The following DLC1 variants were observed in gnomAD, a reference collection of about 807,000 sequenced individuals.
DLC1 encodes the protein rho GTPase-activating protein 7.
DLC1 carries 54 observed loss-of-function variants against 140.3 expected under a neutral mutation model. The ratio of observed to expected loss-of-function variants is 0.38; its 90% CI spans 0.31 to 0.48. The LOEUF (loss-of-function observed/expected upper bound fraction) is 0.48. DLC1 is among the 20% of genes least tolerant of loss of function. DLC1 has a pLI of 0.96. For missense variants in DLC1, 2,536 were observed against 1,907.0 expected (o/e 1.33, Z -6.14); for synonymous variants, 986 against 728.1 (o/e 1.35, Z -5.70).
At chr8:13,301,886 A>T (rs1832209710) in intron 5 of DLC1, among the ~76,000 whole-genome samples, 1 of 152,158 alleles carries the variant, frequency 6.6e-6, no homozygotes, top group African/African-American at 2.4e-5. Context: ...TCTGAGGTGG[A>T]ACAATTTCAT....
intron 1 of DLC1, among the ~76,000 whole-genome samples, chr8:13,551,293 AGTAT>A (rs2117356213): frequency 6.6e-6 from 1 of 152,230 alleles, no homozygotes; most frequent in South Asian, 2.1e-4. Context: ...CACAGTCTTC[AGTAT>A]GTGCACACAT....
chr8:13,441,659 G>A (rs1798514747), intron 2 of DLC1, among the ~76,000 whole-genome samples: 1 of 152,094 alleles, frequency 6.6e-6, no homozygotes, highest in South Asian at 2.1e-4. Flanking sequence ...CAAGGGACGT[G>A]AAGGACCTCT....
At chr8:13,254,143 C>A (rs1259324124) in intron 5 of DLC1, among the ~76,000 whole-genome samples, 1 of 151,660 alleles carries the variant, frequency 6.6e-6, no homozygotes, top group Admixed American at 6.6e-5. Flanking sequence ...AATCCTTCTC[C>A]CTCCTTTCCC....
intron 5 of DLC1, among the ~76,000 whole-genome samples, chr8:13,209,677 A>G: frequency 6.6e-6 from 1 of 151,952 alleles, no homozygotes; most frequent in Non-Finnish European, 1.5e-5. Flanking sequence ...TGTCCTCGTG[A>G]TAGTCAATGA....
At chr8:13,472,150 A>T (rs993147501) in intron 2 of DLC1, among the ~76,000 whole-genome samples, 3 of 152,172 alleles carry the variant, frequency 2.0e-5, no homozygotes, top group Non-Finnish European at 1.5e-5. Flanking sequence ...GCGCCAACTT[A>T]TTTTTTTCAG....
At chr8:13,216,283 C>G (rs1828195815) in intron 5 of DLC1, among the ~76,000 whole-genome samples, 1 of 152,166 alleles carries the variant, frequency 6.6e-6, no homozygotes, top group African/African-American at 2.4e-5. Flanking sequence ...AAAGTTGTTA[C>G]AATTATTTTC....
At chr8:13,292,266 C>A (rs1831784551) in intron 5 of DLC1, among the ~76,000 whole-genome samples, 1 of 152,056 alleles carries the variant, frequency 6.6e-6, no homozygotes, top group African/African-American at 2.4e-5. Context: ...CGTAGAAAGT[C>A]CAGGCCACTC....
intron 1 of DLC1, among the ~76,000 whole-genome samples, chr8:13,543,136 G>A (rs954530563): frequency 1.3e-5 from 2 of 152,046 alleles, no homozygotes; most frequent in Non-Finnish European, 2.9e-5. Flanking sequence ...CTTGCATATT[G>A]TTGGTATTTA....
chr8:13,532,992 G>C (rs1365367444), intron 1 of DLC1, among the ~76,000 whole-genome samples: 1 of 152,068 alleles, frequency 6.6e-6, no homozygotes, highest in Non-Finnish European at 1.5e-5. Flanking sequence ...GTTTTTGATA[G>C]CATAACCCAA....
intron 2 of DLC1, among the ~76,000 whole-genome samples, chr8:13,477,232 A>C (rs1463229831): frequency 1.3e-5 from 2 of 152,076 alleles, no homozygotes; most frequent in Non-Finnish European, 1.5e-5. Context: ...ACTAATCCCC[A>C]TTCATTTTTC....
intron 4 of DLC1, among the ~76,000 whole-genome samples, chr8:13,356,089 CAAAAA>C (rs372991073): frequency 8.2e-4 from 44 of 53,360 alleles, no homozygotes; most frequent in African/African-American, 2.6e-3. Flanking sequence ...GACTCCATCT[CAAAAA>C]AAAAAAAAAA....
chr8:13,276,268 G>T, intron 5 of DLC1: 1 of 1,535,148 alleles, frequency 6.5e-7, no homozygotes, highest in Non-Finnish European at 8.7e-7. Context: ...TCACCTGCCA[G>T]CCGTCTGTCT....
intron 5 of DLC1, chr8:13,133,328 G>A: frequency 8.5e-7 from 1 of 1,176,776 alleles, no homozygotes; most frequent in South Asian, 2.2e-5. Context: ...CTCCCGCTGG[G>A]CCCACCCCCC....
At chr8:13,127,770 C>T (rs1821710722) in intron 5 of DLC1, among the ~76,000 whole-genome samples, 2 of 152,144 alleles carry the variant, frequency 1.3e-5, no homozygotes, top group African/African-American at 4.8e-5. Flanking sequence ...GAGACTCCTG[C>T]GAGGAGAAGG....
chr8:13,384,574 T>A (rs1836430296), intron 4 of DLC1, among the ~76,000 whole-genome samples: 1 of 123,046 alleles, frequency 8.1e-6, no homozygotes, highest in Non-Finnish European at 1.9e-5. Context: ...AAAAAATCAT[T>A]TAATATTCTG....
rs192141180 is a variant in DLC1, at chr8:13,197,285, A to T, written c.1349-81628T>A. On this transcript the variant is annotated intron_variant, in intron 5 of 17. Coordinates refer to ENST00000276297, the MANE Select transcript of DLC1 (RefSeq NM_182643.3). Reference sequence around the variant, plus strand: ...TGTTAATAGTAGCTCTCCTATGCTGATCAGATTCCCTAATTAGTAACTATT... The same window carrying T: ...TGTTAATAGTAGCTCTCCTATGCTGTTCAGATTCCCTAATTAGTAACTATT... Among the ~76,000 whole-genome samples, 210 of 152,242 alleles carry T rather than the reference A, an allele frequency of 1.4e-3. 1 individual carries two copies. Among genetic ancestry groups the T allele is most frequent in the Non-Finnish European group, 6.8e-4 (46 of 68,008 alleles).
chr8:13,109,383 C>T (rs987506516), intron 7 of DLC1, among the ~76,000 whole-genome samples: 48 of 151,666 alleles, frequency 3.2e-4, no homozygotes, highest in Admixed American at 1.3e-3. Context: ...ACAGCAAGAC[C>T]GCATCTCTAC....
intron 5 of DLC1, among the ~76,000 whole-genome samples, chr8:13,135,512 G>C (rs1822497673): frequency 6.6e-6 from 1 of 152,112 alleles, no homozygotes; most frequent in South Asian, 2.1e-4. Context: ...AACGCATCCC[G>C]TGATTGGATT....
chr8:13,326,951 T>TTGTTG (rs1453905697), intron 4 of DLC1, among the ~76,000 whole-genome samples: 2 of 151,926 alleles, frequency 1.3e-5, no homozygotes, highest in African/African-American at 2.4e-5. Context: ...TTTGTTGTTG[T>TTGTTG]TGTTGTTTTG....
Sources: allele counts gnomAD v4.1 joint callset (sites outside exome capture counted in the v4.1 genomes callset), GRCh38; gene constraint gnomAD v4.1.1; transcripts MANE v1.5; gene names NCBI Gene and HGNC (gene_info 2026-07-23, HGNC 2026-07-21).